NELL2: variants seen among roughly 807,000 people sequenced by gnomAD.
The protein encoded by NELL2 is protein kinase C-binding protein NELL2.
In NELL2, 41 loss-of-function variants were observed where a neutral mutation model predicts 109.6. That is an observed-to-expected ratio of 0.37 (90% CI 0.29 to 0.49). The LOEUF is 0.49. NELL2 is among the 20% of genes least tolerant of loss of function. The probability of loss-of-function intolerance (pLI) is 0.98; values close to 1 mark genes in which losing one functional copy is unlikely to be tolerated. For synonymous variants in NELL2, 355 were observed against 344.7 expected, an observed-to-expected ratio of 1.03 and a Z score of -0.33; for missense variants, 900 against 1,008.3, an observed-to-expected ratio of 0.89 and a Z score of 1.45.
chr12:44,555,995 C>A (rs995941911), intron 15 of NELL2, among the ~76,000 whole-genome samples: 4 of 152,170 alleles, frequency 2.6e-5, no homozygotes, highest in African/African-American at 9.7e-5. Flanking sequence ...CTCTGTCGAG[C>A]ACAGCAGTTA....
chr12:44,864,603 T>C (rs1425774342), intron 2 of NELL2, among the ~76,000 whole-genome samples: 7 of 152,152 alleles, frequency 4.6e-5, no homozygotes, highest in Admixed American at 3.9e-4. Flanking sequence ...TAGACTGCAA[T>C]ACAATACAAT....
At chr12:44,614,476 C>T (rs549161958) in intron 13 of NELL2, among the ~76,000 whole-genome samples, 4 of 152,062 alleles carry the variant, frequency 2.6e-5, no homozygotes, top group South Asian at 2.1e-4. Context: ...CTTTGTTCTG[C>T]ATCTGTACAT....
intron 1 of NELL2, among the ~76,000 whole-genome samples, chr12:44,890,789 G>T (rs2136868950): frequency 6.6e-6 from 1 of 151,492 alleles, no homozygotes; most frequent in African/African-American, 2.4e-5. Context: ...GGAGTACAAT[G>T]GTGGCATCTT....
At chr12:44,751,330 T>C (rs1030969949) in intron 9 of NELL2, among the ~76,000 whole-genome samples, 2 of 152,200 alleles carry the variant, frequency 1.3e-5, no homozygotes, top group African/African-American at 4.8e-5. Context: ...TTATATTCTA[T>C]TTTAGAAATG....
At chr12:44,531,772 A>G (rs758381821) in intron 16 of NELL2, among the ~76,000 whole-genome samples, 1 of 152,202 alleles carries the variant, frequency 6.6e-6, no homozygotes, top group Non-Finnish European at 1.5e-5. Context: ...CTCAGGCTCT[A>G]TGAAGTTGTA....
intron 9 of NELL2, among the ~76,000 whole-genome samples, chr12:44,754,712 G>A (rs145551422): frequency 2.2e-3 from 333 of 152,270 alleles, no homozygotes; most frequent in African/African-American, 7.5e-3. Flanking sequence ...GAAACCCTGA[G>A]TAACTATTTG....
chr12:44,883,887 A>T (rs1204951607), intron 1 of NELL2, among the ~76,000 whole-genome samples: 2 of 151,956 alleles, frequency 1.3e-5, no homozygotes, highest in Admixed American at 1.3e-4. Context: ...AATAACTTGA[A>T]AGAAAGCAGG....
chr12:44,674,682 G>A lies in NELL2; in HGVS notation c.1319-9073C>T, dbSNP rs577393768. Among the ~76,000 whole-genome samples, 3 of 152,246 alleles carry A rather than the reference G, an allele frequency of 2.0e-5. No individual in the cohort carries two copies. In the South Asian group the frequency reaches 6.2e-4, roughly 31 times the overall value. On this transcript the variant is annotated intron_variant, in intron 12 of 19. Coordinates refer to ENST00000429094, the MANE Select transcript of NELL2 (RefSeq NM_001145108.2). ...TTAAAGCATTTGGAAGAAGCGGGTA[G>A]GGAGGAGGTATAGGTATATCTTATG...
chr12:44,874,911 G>A (rs1183116798), intron 2 of NELL2: 1 of 225,184 alleles, frequency 4.4e-6, no homozygotes, highest in Non-Finnish European at 8.7e-6. Context: ...TCACCCAAAC[G>A]AGGCGTTTGT....
Position 44,776,217 on chromosome 12 carries a change from C to T in NELL2, c.763-67G>A, listed in dbSNP as rs530778601. On this transcript the variant is annotated intron_variant, in intron 7 of 19. Transcript: ENST00000429094. ...AGCAACACAGAAATGTGAAACACTC[C>T]GCAGGTATCTTTTTTTTAAAGTATG... is the stretch of plus-strand genomic sequence containing the variant. 7.5e-5 allele frequency: 117 copies of T among 1,562,976 alleles called. 1 individual carries two copies. In the African/African-American group the frequency reaches 8.4e-4, roughly 11 times the overall value.
intron 12 of NELL2, among the ~76,000 whole-genome samples, chr12:44,701,501 T>C (rs4768567): frequency 0.13 from 20,084 of 152,108 alleles, 1,810 homozygotes; most frequent in East Asian, 0.35. Context: ...CAATTTTCAG[T>C]AAGCTGCATT....
chr12:44,569,280 C>T (rs1261866542), intron 15 of NELL2, among the ~76,000 whole-genome samples: 2 of 152,018 alleles, frequency 1.3e-5, no homozygotes, highest in Non-Finnish European at 2.9e-5. Flanking sequence ...ATGCAGTCTA[C>T]CATTAATGAG....
intron 16 of NELL2, among the ~76,000 whole-genome samples, chr12:44,527,330 C>T (rs1478409286): frequency 6.6e-6 from 1 of 152,114 alleles, no homozygotes; most frequent in Non-Finnish European, 1.5e-5. Context: ...AGATACTGGA[C>T]TGTGTCTCAG....
intron 1 of NELL2, among the ~76,000 whole-genome samples, chr12:44,883,927 A>G (rs907596453): frequency 1.3e-5 from 2 of 151,930 alleles, no homozygotes; most frequent in African/African-American, 4.8e-5. Flanking sequence ...GAAAATAGAA[A>G]GAACAAAGGG....
At chr12:44,742,677 C>A (rs189294022) in intron 9 of NELL2, among the ~76,000 whole-genome samples, 8 of 151,960 alleles carry the variant, frequency 5.3e-5, no homozygotes, top group African/African-American at 1.9e-4. Flanking sequence ...GTAGCCGATG[C>A]GATCAACTGG....
chr12:44,839,240 G>A (rs10785539), intron 2 of NELL2, among the ~76,000 whole-genome samples: 1 of 151,826 alleles, frequency 6.6e-6, no homozygotes, highest in African/African-American at 2.4e-5. Flanking sequence ...CTTGGCAACC[G>A]CAAAGAAAAA....
chr12:44,667,815 A>T (rs1481981930), intron 12 of NELL2, among the ~76,000 whole-genome samples: 1 of 152,184 alleles, frequency 6.6e-6, no homozygotes, highest in Non-Finnish European at 1.5e-5. Context: ...AGGAAAGGTA[A>T]GTGAAAGATC....
chr12:44,522,144 A>G lies in NELL2; in HGVS notation c.2031T>C (p.Cys677=). The change falls in exon 18 of 20, where the codon TGT becomes TGC. Residue 677 remains cysteine (C), a synonymous_variant. Transcript: ENST00000429094. ...GATCAACTGTGGGATTCTCACAGTC[A>G]CAGACCATCCGTCGACACATAACGA... The part of the protein sequence containing the change: ...NGFVMCRRMV[C]DCENPTVDLF... 2 of 1,614,162 alleles carry G rather than the reference A, an allele frequency of 1.2e-6. No individual in the cohort carries two copies. The highest frequency in any genetic ancestry group is 8.5e-7 in the Non-Finnish European group (1 of 1,180,024).
chr12:44,545,628 C>T (rs1193271502), intron 15 of NELL2, among the ~76,000 whole-genome samples: 1 of 152,076 alleles, frequency 6.6e-6, no homozygotes, highest in African/African-American at 2.4e-5. Flanking sequence ...AATTAGTCCA[C>T]TGTAGTAAAA....
Sources: allele counts gnomAD v4.1 joint callset (sites outside exome capture counted in the v4.1 genomes callset), GRCh38; gene constraint gnomAD v4.1.1; transcripts MANE v1.5; gene names NCBI Gene and HGNC (gene_info 2026-07-23, HGNC 2026-07-21).